The following GRIK1 variants were observed in gnomAD, a reference collection of about 807,000 sequenced individuals.
GRIK1 encodes glutamate ionotropic receptor kainate type subunit 1, also known as glutamate receptor ionotropic, kainate 1.
Under a neutral mutation model 105.7 loss-of-function variants are expected in GRIK1, and 69 were observed. The observed-to-expected ratio is 0.65, with a 90% confidence interval of 0.54 to 0.80. The LOEUF is 0.80. Among genes scored for constraint, GRIK1 ranks in the 30% least tolerant of loss-of-function variants. The probability of loss-of-function intolerance (pLI) is 0.00; values close to 1 mark genes in which losing one functional copy is unlikely to be tolerated. For missense variants in GRIK1, 1,109 were observed against 1,167.3 expected (o/e 0.95, Z 0.73); for synonymous variants, 438 against 431.3 (o/e 1.02, Z -0.19).
intron 7 of GRIK1, among the ~76,000 whole-genome samples, chr21:29,607,176 C>T (rs1285928321): frequency 6.6e-6 from 1 of 152,122 alleles, no homozygotes; most frequent in Non-Finnish European, 1.5e-5. Context: ...GATCTATCAG[C>T]TAGATGCAGG....
At chr21:29,641,253 G>T (rs1362766542) in intron 7 of GRIK1, among the ~76,000 whole-genome samples, 1 of 152,136 alleles carries the variant, frequency 6.6e-6, no homozygotes, top group Non-Finnish European at 1.5e-5. Context: ...TTGTGGGAGG[G>T]ACCCAGTAGC....
At chr21:29,544,332 G>C (rs2090017754) in intron 16 of GRIK1, among the ~76,000 whole-genome samples, 1 of 152,150 alleles carries the variant, frequency 6.6e-6, no homozygotes, top group Non-Finnish European at 1.5e-5. Context: ...TTTTGCACAT[G>C]GGGTGGCCAC....
At chr21:29,558,307 A>G (rs571146474) in intron 15 of GRIK1, among the ~76,000 whole-genome samples, 3 of 151,970 alleles carry the variant, frequency 2.0e-5, no homozygotes, top group East Asian at 1.9e-4. Context: ...TGTTGCTTAA[A>G]TGAAGTAAAT....
At chr21:29,855,799 T>G (rs534620094) in intron 1 of GRIK1, among the ~76,000 whole-genome samples, 25 of 152,106 alleles carry the variant, frequency 1.6e-4, no homozygotes, top group African/African-American at 6.0e-4. Flanking sequence ...GGTGAAAAAA[T>G]TAACTGATTG....
intron 1 of GRIK1, among the ~76,000 whole-genome samples, chr21:29,701,929 C>T (rs1342161973): frequency 6.6e-6 from 1 of 152,128 alleles, no homozygotes; most frequent in Non-Finnish European, 1.5e-5. Context: ...CTTGAAATTG[C>T]CATTGACCAA....
rs144177486 is a variant in GRIK1, at chr21:29,667,101, TG to T, written c.726+5881del. On this transcript the variant is annotated intron_variant, in intron 4 of 17. Transcript: ENST00000327783. ...GTCTTCGGCCTTTTCTATGTATTTATGATGAAAAAAATGATTGACTTATAGA... is the reference window on the plus strand; with the variant it reads ...GTCTTCGGCCTTTTCTATGTATTTATATGAAAAAAATGATTGACTTATAGA... Among the ~76,000 whole-genome samples the T allele has an allele frequency of 5.4e-3, 819 of 152,308 alleles. 9 individuals carry two copies. The highest frequency in any genetic ancestry group is 0.019 in the African/African-American group (779 of 41,562).
intron 1 of GRIK1, among the ~76,000 whole-genome samples, chr21:29,911,534 T>G (rs2070816021): frequency 6.6e-6 from 1 of 152,064 alleles, no homozygotes; most frequent in Non-Finnish European, 1.5e-5. Context: ...ATATTAATAT[T>G]ACATACTCTG....
At chr21:29,851,844 G>A (rs1357906764) in intron 1 of GRIK1, among the ~76,000 whole-genome samples, 2 of 152,164 alleles carry the variant, frequency 1.3e-5, no homozygotes, top group African/African-American at 4.8e-5. Context: ...TGGACGAAAT[G>A]TCCTGTCTTC....
intron 1 of GRIK1, among the ~76,000 whole-genome samples, chr21:29,857,644 TA>T (rs11359694): frequency 0.34 from 50,974 of 151,990 alleles, 9,559 homozygotes; most frequent in African/African-American, 0.5. Flanking sequence ...ATGAAAAGGG[TA>T]ACCCTTTACA....
At chr21:29,902,139 A>G (rs1253057352) in intron 1 of GRIK1, among the ~76,000 whole-genome samples, 1 of 152,236 alleles carries the variant, frequency 6.6e-6, no homozygotes, top group African/African-American at 2.4e-5. Context: ...TGTTGGTGGA[A>G]TGTATCTCAA....
intron 1 of GRIK1, among the ~76,000 whole-genome samples, chr21:29,795,599 C>CT (rs540452488): frequency 4.5e-4 from 69 of 152,180 alleles, no homozygotes; most frequent in African/African-American, 1.4e-3. Flanking sequence ...TTAATGTAAA[C>CT]TTTTTTTATA....
At chr21:29,612,431 G>C (rs145427000) in intron 7 of GRIK1, among the ~76,000 whole-genome samples, 1 of 152,302 alleles carries the variant, frequency 6.6e-6, no homozygotes, top group Non-Finnish European at 1.5e-5. Flanking sequence ...GCTGACTTCA[G>C]ATTTAACTGT....
At chr21:29,838,470 T>C (rs1236056535) in intron 1 of GRIK1, among the ~76,000 whole-genome samples, 1 of 152,088 alleles carries the variant, frequency 6.6e-6, no homozygotes, top group Admixed American at 6.6e-5. Flanking sequence ...AAATCCATGA[T>C]GGATTAAGAA....
chr21:29,923,111 CTGAG>C (rs1301355513), intron 1 of GRIK1, among the ~76,000 whole-genome samples: 2 of 152,070 alleles, frequency 1.3e-5, no homozygotes, highest in African/African-American at 4.8e-5. Context: ...TTCCTTTTGA[CTGAG>C]TATGAATTAT....
At position 29,625,019 on chromosome 21, in the gene GRIK1, T is replaced by G. The variant is rs529848003; in HGVS notation, c.1098+17807A>C. ...AGCAGGTCTGTGTTGCTCTGTTAGA[T>G]CCTTATGTAGTCTGACATGTGGAGG... On this transcript the variant is annotated intron_variant, in intron 7 of 17. Transcript: ENST00000327783. Among the ~76,000 whole-genome samples, 7 of 152,346 alleles carry G rather than the reference T, an allele frequency of 4.6e-5. No individual in the cohort carries two copies. In the South Asian group the frequency reaches 1.5e-3, roughly 32 times the overall value.
At chr21:29,852,643 C>T (rs943303684) in intron 1 of GRIK1, among the ~76,000 whole-genome samples, 6 of 152,266 alleles carry the variant, frequency 3.9e-5, no homozygotes, top group African/African-American at 9.6e-5. Flanking sequence ...CATAAATATG[C>T]AAGTCATTTA....
intron 9 of GRIK1, among the ~76,000 whole-genome samples, chr21:29,592,591 G>A (rs1435772168): frequency 6.6e-6 from 1 of 152,176 alleles, no homozygotes; most frequent in South Asian, 2.1e-4. Context: ...AGACCTTGTT[G>A]CTGTGTGTCC....
chr21:29,806,022 C>T (rs2066854993), intron 1 of GRIK1, among the ~76,000 whole-genome samples: 1 of 151,394 alleles, frequency 6.6e-6, no homozygotes. Context: ...AAACACAAGT[C>T]GACTATAAAA....
At chr21:29,824,595 C>T (rs183717361) in intron 1 of GRIK1, among the ~76,000 whole-genome samples, 80 of 152,004 alleles carry the variant, frequency 5.3e-4, no homozygotes, top group Non-Finnish European at 1.8e-4. Flanking sequence ...AAAGGGTGGG[C>T]TTTCTGGGGG....
Sources: allele counts gnomAD v4.1 joint callset (sites outside exome capture counted in the v4.1 genomes callset), GRCh38; gene constraint gnomAD v4.1.1; transcripts MANE v1.5; gene names NCBI Gene and HGNC (gene_info 2026-07-23, HGNC 2026-07-21).